The following TRIM14 variants were observed in gnomAD, a reference collection of about 807,000 sequenced individuals.
The protein encoded by TRIM14 is tripartite motif-containing protein 14.
Under a neutral mutation model 44.5 loss-of-function variants are expected in TRIM14, and 28 were observed. The ratio of observed to expected loss-of-function variants is 0.63; its 90% CI spans 0.47 to 0.86. TRIM14 has a LOEUF of 0.86. Among genes scored for constraint, TRIM14 ranks in the 40% least tolerant of loss-of-function variants. TRIM14 has a pLI of 0.00. For missense variants in TRIM14, 607 were observed against 611.1 expected, an observed-to-expected ratio of 0.99 and a Z score of 0.07; for synonymous variants, 299 against 269.2, an observed-to-expected ratio of 1.11 and a Z score of -1.08.
chr9:98,055,947 T>A, the TRIM14 span, among the ~76,000 whole-genome samples: 2 of 151,722 alleles, frequency 1.3e-5, no homozygotes, highest in East Asian at 3.9e-4. Context: ...TCCATATTGG[T>A]CAGGCTGGTC....
At chr9:98,046,446 G>GT in the TRIM14 span, among the ~76,000 whole-genome samples, 2,967 of 148,108 alleles carry the variant, frequency 0.02, 99 homozygotes, top group African/African-American at 0.068. Context: ...TTTGTTTTTT[G>GT]TTTTTTTTTT....
intron 6 of TRIM14, chr9:98,078,331 A>C (rs1829686780): frequency 2.5e-6 from 4 of 1,612,190 alleles, no homozygotes; most frequent in East Asian, 2.2e-5. Flanking sequence ...GAGGACGTCA[A>C]CCTGCGGGTC....
chr9:98,035,850 G>A, the TRIM14 span, among the ~76,000 whole-genome samples: 5 of 152,320 alleles, frequency 3.3e-5, no homozygotes, highest in African/African-American at 4.8e-5. Context: ...CTCAGTCATC[G>A]CTGTCATATT....
Position 98,119,175 on chromosome 9 carries a change from G to A in TRIM14, c.14C>T (p.Ala5Val). 2.5e-6 allele frequency: 4 copies of A among 1,573,210 alleles called. No homozygotes were observed. The highest frequency in any genetic ancestry group is 3.4e-6 in the Non-Finnish European group (4 of 1,170,212). Residue 5 changes from alanine (A) to valine (V), a missense_variant, in exon 1 of 6, where the codon GCG becomes GTG. By Grantham distance (64) the Ala-to-Val change is moderately conservative. Transcript: ENST00000341469. ...CCTCCCAGGGGTCCGGCTCCCGGTC[G>A]CCGCGCCCGCCATTCATCTCCACCT... MAGA[A>V]TGSRTPGRSE...
intron 1 of TRIM14, among the ~76,000 whole-genome samples, chr9:98,112,294 C>T (rs933493050): frequency 2.0e-5 from 3 of 152,162 alleles, no homozygotes; most frequent in South Asian, 4.1e-4. Flanking sequence ...TTGGTAAAGA[C>T]TGTTGAAAGA....
chr9:98,069,038 T>C (rs1416599832), downstream of TRIM14, among the ~76,000 whole-genome samples: 1 of 152,212 alleles, frequency 6.6e-6, no homozygotes, highest in Admixed American at 6.5e-5. Context: ...GAGTTTCTTA[T>C]AAAGCTAGAT....
chr9:98,095,723 G>A lies in TRIM14; in HGVS notation c.538-694C>T, dbSNP rs527313795. Reference sequence around the variant, plus strand: ...ACCAGACGCCTCCAAGCCAAAGCGTGGATTTGGAAATGACGGTGAAGGTAG... The same window carrying A: ...ACCAGACGCCTCCAAGCCAAAGCGTAGATTTGGAAATGACGGTGAAGGTAG... On this transcript the variant is annotated intron_variant, in intron 3 of 5. Coordinates refer to ENST00000341469, the MANE Select transcript of TRIM14 (RefSeq NM_014788.4). The surrounding 1 kb of genome is among the most constrained non-coding windows in gnomAD (Gnocchi z 4.1). Among the ~76,000 whole-genome samples, 1 of 152,314 alleles carries A rather than the reference G, an allele frequency of 6.6e-6. No homozygotes were observed. Among genetic ancestry groups the A allele is most frequent in the East Asian group, 1.9e-4 (1 of 5,166 alleles).
At chr9:98,051,409 C>T in the TRIM14 span, among the ~76,000 whole-genome samples, 1 of 152,182 alleles carries the variant, frequency 6.6e-6, no homozygotes, top group African/African-American at 2.4e-5. Flanking sequence ...CAAGTGCCAG[C>T]AGCTGCACAG....
chr9:98,044,948 A>G, the TRIM14 span, among the ~76,000 whole-genome samples: 1 of 152,012 alleles, frequency 6.6e-6, no homozygotes, highest in South Asian at 2.1e-4. Flanking sequence ...CCCTGTCTCT[A>G]TTAAAACACA....
At chr9:98,079,732 A>G (rs1829766961), downstream of TRIM14, among the ~76,000 whole-genome samples, 1 of 152,168 alleles carries the variant, frequency 6.6e-6, no homozygotes, top group Non-Finnish European at 1.5e-5. Flanking sequence ...TCCCCACTCA[A>G]GGTGCTGTCA....
At chr9:98,035,989 T>C in the TRIM14 span, among the ~76,000 whole-genome samples, 1 of 151,934 alleles carries the variant, frequency 6.6e-6, no homozygotes, top group Non-Finnish European at 1.5e-5. Flanking sequence ...GGTGGGTGGA[T>C]TACGAGGTCA....
the TRIM14 span, among the ~76,000 whole-genome samples, chr9:98,041,109 T>C: frequency 8.5e-5 from 13 of 152,094 alleles, no homozygotes; most frequent in Non-Finnish European, 4.4e-5. Flanking sequence ...TCTACAGTTT[T>C]AGTATAGTAT....
chr9:98,037,733 C>A, the TRIM14 span, among the ~76,000 whole-genome samples: 9 of 152,114 alleles, frequency 5.9e-5, no homozygotes, highest in African/African-American at 1.7e-4. Context: ...GTTGGGGTAG[C>A]CACTGGGGCC....
chr9:98,066,777 A>C (rs1188397042), downstream of TRIM14, among the ~76,000 whole-genome samples: 1 of 151,834 alleles, frequency 6.6e-6, no homozygotes, highest in Non-Finnish European at 1.5e-5. Context: ...CAGCCTCCCG[A>C]GTAGCTGGGA....
downstream of TRIM14, among the ~76,000 whole-genome samples, chr9:98,082,459 T>C (rs1216779109): frequency 2.0e-5 from 3 of 152,216 alleles, no homozygotes; most frequent in East Asian, 5.8e-4. Context: ...AGTTTGCATG[T>C]ATTGAGAGCA....
intron 3 of TRIM14, among the ~76,000 whole-genome samples, chr9:98,098,743 C>T (rs1490826491): frequency 6.6e-6 from 1 of 152,040 alleles, no homozygotes. Flanking sequence ...CCATCCTCAA[C>T]AACATGCTTT....
the TRIM14 span, chr9:98,060,773 GTGT>G: frequency 6.2e-7 from 1 of 1,613,546 alleles, no homozygotes; most frequent in Non-Finnish European, 8.5e-7. Context: ...GTCCTAATGT[GTGT>G]TGTAGGAGTG....
At chr9:98,090,788 T>A (rs1213657154) in intron 5 of TRIM14, among the ~76,000 whole-genome samples, 2 of 152,224 alleles carry the variant, frequency 1.3e-5, no homozygotes, top group African/African-American at 4.8e-5. Context: ...GGTCTCGAAC[T>A]GCTGACCTCA....
downstream of TRIM14, among the ~76,000 whole-genome samples, chr9:98,064,414 C>T (rs1289222758): frequency 2.0e-5 from 3 of 152,040 alleles, no homozygotes; most frequent in African/African-American, 2.4e-5. Context: ...CCACCACACA[C>T]GGCTAGTTTT....
Sources: allele counts gnomAD v4.1 joint callset (sites outside exome capture counted in the v4.1 genomes callset), GRCh38; gene constraint gnomAD v4.1.1; non-coding constraint Gnocchi (gnomAD v3.1); transcripts MANE v1.5; gene names NCBI Gene and HGNC (gene_info 2026-07-23, HGNC 2026-07-21).